Variants in GRAMD1C observed in about 807,000 individuals in gnomAD.
GRAMD1C encodes protein Aster-C.
In GRAMD1C, 89 loss-of-function variants were observed where a neutral mutation model predicts 97.8. The observed-to-expected ratio is 0.91, with a 90% confidence interval of 0.77 to 1.09. GRAMD1C has a LOEUF of 1.09. GRAMD1C is among the 50% of genes least tolerant of loss of function. GRAMD1C has a pLI of 0.00. For missense variants in GRAMD1C, 740 were observed against 766.4 expected (o/e 0.97, Z 0.41); for synonymous variants, 256 against 267.0 (o/e 0.96, Z 0.40).
intron 11 of GRAMD1C, among the ~76,000 whole-genome samples, chr3:113,931,359 CA>C (rs1937411892): frequency 6.8e-6 from 1 of 146,270 alleles, no homozygotes; most frequent in East Asian, 2.0e-4. Context: ...TTCATATATT[CA>C]AATTTTTTTT....
intron 8 of GRAMD1C, among the ~76,000 whole-genome samples, chr3:113,908,254 A>G (rs1308941398): frequency 6.6e-6 from 1 of 152,194 alleles, no homozygotes; most frequent in Non-Finnish European, 1.5e-5. Flanking sequence ...ATACAGTACT[A>G]TTTTACTTGA....
chr3:113,883,215 T>C lies in GRAMD1C; in HGVS notation c.540+383T>C, dbSNP rs139494592. On this transcript the variant is annotated intron_variant, in intron 6 of 17. Coordinates refer to ENST00000358160, the MANE Select transcript of GRAMD1C (RefSeq NM_017577.5). ...AAACACTGCAACCAAAAGGCAGAGA[T>C]AGGCAGAATGAAAAAATACATGAAC... 3.9e-3 allele frequency among the ~76,000 whole-genome samples: 599 copies of C among 152,176 alleles called. 4 individuals are homozygous for C. Among genetic ancestry groups the C allele is most frequent in the African/African-American group, 0.014 (582 of 41,528 alleles).
At chr3:113,876,316 A>T in intron 5 of GRAMD1C, 56 bp downstream of exon 5, 2 of 849,496 alleles carry the variant, frequency 2.4e-6, no homozygotes. Context: ...TCTCCCTCAT[A>T]CTCATCATCA....
At chr3:113,940,202 C>A in intron 16 of GRAMD1C, 38 bp from the exon 17 acceptor site, 1 of 1,159,834 alleles carries the variant, frequency 8.6e-7, no homozygotes, top group Non-Finnish European at 1.3e-6. Context: ...AGATCAGAAG[C>A]TATTCTCCAG....
At chr3:113,877,647 C>T (rs750234305) in intron 5 of GRAMD1C, among the ~76,000 whole-genome samples, 2 of 152,322 alleles carry the variant, frequency 1.3e-5, no homozygotes, top group Non-Finnish European at 2.9e-5. Flanking sequence ...GTCACCACTA[C>T]ATCCTATCAG....
upstream of GRAMD1C, among the ~76,000 whole-genome samples, chr3:113,836,383 A>C (rs1210023882): frequency 1.3e-5 from 2 of 152,226 alleles, no homozygotes; most frequent in Non-Finnish European, 2.9e-5. Context: ...AAATATATGT[A>C]AACAGTAAAA....
At chr3:113,830,384 T>A (rs551642847) in intron 1 of GRAMD1C, among the ~76,000 whole-genome samples, 1 of 140,524 alleles carries the variant, frequency 7.1e-6, no homozygotes, top group Non-Finnish European at 1.5e-5. Context: ...AGCTTGCTTA[T>A]CTATGTTTGC....
At chr3:113,933,918 A>G (rs1937528344) in intron 12 of GRAMD1C, among the ~76,000 whole-genome samples, 1 of 152,204 alleles carries the variant, frequency 6.6e-6, no homozygotes, top group African/African-American at 2.4e-5. Flanking sequence ...TTCACAATCC[A>G]TTGACCAGAA....
chr3:113,908,810 G>T (rs60514468), intron 8 of GRAMD1C, 148 bp from the exon 9 acceptor site: 28,421 of 528,158 alleles, frequency 0.054, 1,715 homozygotes, highest in African/African-American at 0.22. Context: ...TTAATAGCAT[G>T]GGAAATGTGA....
intron 2 of GRAMD1C, among the ~76,000 whole-genome samples, chr3:113,866,808 T>C (rs989293440): frequency 6.6e-6 from 1 of 151,452 alleles, no homozygotes; most frequent in African/African-American, 2.4e-5. Context: ...TACAGTGTTA[T>C]GATTACTGCT....
At chr3:113,894,111 G>A (rs934148356) in intron 6 of GRAMD1C, among the ~76,000 whole-genome samples, 2 of 152,082 alleles carry the variant, frequency 1.3e-5, no homozygotes, top group Non-Finnish European at 2.9e-5. Context: ...TAAGAAAATA[G>A]GGTTCGTATG....
chr3:113,896,787 G>A (rs1200854271), intron 6 of GRAMD1C, among the ~76,000 whole-genome samples: 1 of 152,084 alleles, frequency 6.6e-6, no homozygotes, highest in African/African-American at 2.4e-5. Flanking sequence ...TCATCAAGTA[G>A]CCTTTGATTT....
chr3:113,923,022 T>A (rs547464768), intron 10 of GRAMD1C, among the ~76,000 whole-genome samples: 1 of 152,244 alleles, frequency 6.6e-6, no homozygotes, highest in Admixed American at 6.5e-5. Flanking sequence ...ATTTTACTTT[T>A]TTTTTTCTTT....
intron 10 of GRAMD1C, among the ~76,000 whole-genome samples, chr3:113,929,650 C>A (rs539751709): frequency 6.6e-6 from 1 of 152,064 alleles, no homozygotes; most frequent in Admixed American, 6.6e-5. Flanking sequence ...TTTATATATA[C>A]CTAAATAAAT....
intron 17 of GRAMD1C, among the ~76,000 whole-genome samples, chr3:113,943,992 T>C (rs761010944): frequency 6.6e-6 from 1 of 152,192 alleles, no homozygotes; most frequent in Admixed American, 6.5e-5. Flanking sequence ...CAGGGCTCTG[T>C]GTTAGATTCT....
At chr3:113,866,891 C>T (rs954455105) in intron 2 of GRAMD1C, among the ~76,000 whole-genome samples, 6 of 151,604 alleles carry the variant, frequency 4.0e-5, no homozygotes, top group South Asian at 2.1e-4. Flanking sequence ...TGCAGTGGCA[C>T]GATCTTGGCT....
intron 7 of GRAMD1C, among the ~76,000 whole-genome samples, chr3:113,902,490 C>G (rs987956524): frequency 1.3e-5 from 2 of 152,100 alleles, no homozygotes; most frequent in Non-Finnish European, 2.9e-5. Flanking sequence ...TCAGGCAAAT[C>G]TTTTCATTTT....
At chr3:113,864,583 G>A (rs1213293833) in intron 2 of GRAMD1C, among the ~76,000 whole-genome samples, 1 of 152,060 alleles carries the variant, frequency 6.6e-6, no homozygotes, top group Non-Finnish European at 1.5e-5. Flanking sequence ...CCTAGGACAT[G>A]GATACAATGC....
At chr3:113,850,315 G>A (rs149983831) in intron 2 of GRAMD1C, 62 of 712,850 alleles carry the variant, frequency 8.7e-5, no homozygotes, top group African/African-American at 8.7e-4. Context: ...CCCCAGCCTC[G>A]ACTTTCTTGT....
Sources: gnomAD v4.1 joint callset for allele counts (sites outside exome capture counted in the v4.1 genomes callset) on GRCh38, gnomAD v4.1.1 for gene constraint, MANE v1.5 for transcripts, NCBI Gene and HGNC (gene_info 2026-07-23, HGNC 2026-07-21) for gene names.